Variants in PTPRN2 observed in about 807,000 individuals in gnomAD.
The protein encoded by PTPRN2 is protein tyrosine phosphatase receptor type N2, also known as receptor-type tyrosine-protein phosphatase N2.
In PTPRN2, 74 loss-of-function variants were observed where a neutral mutation model predicts 118.8. The ratio of observed to expected loss-of-function variants is 0.62; its 90% CI spans 0.52 to 0.76. The LOEUF (loss-of-function observed/expected upper bound fraction) is 0.76. Ranked by LOEUF, PTPRN2 falls within the 30% of genes least tolerant of loss-of-function variation. The probability of loss-of-function intolerance (pLI) is 0.00; values close to 1 mark genes in which losing one functional copy is unlikely to be tolerated. For missense variants in PTPRN2, 1,481 were observed against 1,394.4 expected (o/e 1.06, Z -0.99); for synonymous variants, 641 against 608.0 (o/e 1.05, Z -0.80).
intron 5 of PTPRN2, among the ~76,000 whole-genome samples, chr7:158,170,184 A>G (rs541343766): frequency 6.6e-6 from 1 of 152,146 alleles, no homozygotes; most frequent in Non-Finnish European, 1.5e-5. Context: ...CACCACAACA[A>G]ACAGCCCCTC....
intron 12 of PTPRN2, among the ~76,000 whole-genome samples, chr7:157,859,890 A>ACC (rs1810086619): frequency 9.3e-6 from 1 of 107,692 alleles, no homozygotes. Context: ...CAGCCACTGT[A>ACC]CACACTCCTG....
intron 2 of PTPRN2, among the ~76,000 whole-genome samples, chr7:158,337,691 C>CTGCAGACGTCACTCACACA (rs1805945534): frequency 8.1e-6 from 1 of 123,798 alleles, no homozygotes; most frequent in African/African-American, 2.7e-5. Context: ...TCACTCACAC[C>CTGCAGACGTCACTCACACA]CACACTCTCA....
rs1177886381 is a variant in PTPRN2 at position 158,134,021 on chromosome 7, C to T, written c.1212G>A (p.Gln404=). Reference sequence around the variant, plus strand: ...CAGGTAAGAGTCGAGACCCGTGGTCCTGCAGGAGGCCCCCGAGTGTGGCAC... The same window carrying T: ...CAGGTAAGAGTCGAGACCCGTGGTCTTGCAGGAGGCCCCCGAGTGTGGCAC... The part of the protein sequence containing the change: ...RLSATLGGLL[Q]DHGSRLLPGA... The change falls in exon 9 of 23, where the codon CAG becomes CAA. Residue 404 remains glutamine, a synonymous_variant. Coordinates refer to ENST00000389418, the MANE Select transcript of PTPRN2 (RefSeq NM_002847.5). 6.2e-7 allele frequency: 1 copy of T among 1,613,892 alleles called. No homozygotes were observed. The highest frequency in any genetic ancestry group is 1.1e-5 in the South Asian group (1 of 91,072).
chr7:158,401,536 TG>T (rs1812949237), intron 2 of PTPRN2, among the ~76,000 whole-genome samples: 2 of 151,914 alleles, frequency 1.3e-5, no homozygotes, highest in African/African-American at 4.8e-5. Flanking sequence ...AGTGCAGGAG[TG>T]GGGCTGCCAT....
At chr7:157,854,372 G>A (rs561602719) in intron 12 of PTPRN2, among the ~76,000 whole-genome samples, 9 of 152,324 alleles carry the variant, frequency 5.9e-5, no homozygotes, top group South Asian at 2.1e-4. Context: ...CTGTGCAATC[G>A]GCACACCCAC....
Position 157,622,262 on chromosome 7 carries a change from T to C in PTPRN2, c.2197-753A>G, listed in dbSNP as rs1803299997. 6.6e-6 allele frequency among the ~76,000 whole-genome samples: 1 copy of C among 152,036 alleles called. No individual in the cohort carries two copies. On this transcript the variant is annotated intron_variant, in intron 14 of 22. Transcript: ENST00000389418. This position sits in a 1 kb window ranked among gnomAD's most constrained non-coding sequence, Gnocchi z 5.3. The stretch of plus-strand genomic sequence containing the variant: ...GTGACGGCCTCGTCTGCTGTCACTC[T>C]GCTTGTGGATTTGCAAGGTACTGTG...
At chr7:158,151,514 T>TGCCTGCC (rs1563522262) in intron 6 of PTPRN2, among the ~76,000 whole-genome samples, 10 of 146,076 alleles carry the variant, frequency 6.8e-5, no homozygotes, top group Non-Finnish European at 1.1e-4. Flanking sequence ...TTTCTGCTCC[T>TGCCTGCC]CACCGCACGT....
At chr7:157,837,576 G>A (rs1299948387) in intron 12 of PTPRN2, among the ~76,000 whole-genome samples, 1 of 151,846 alleles carries the variant, frequency 6.6e-6, no homozygotes, top group Non-Finnish European at 1.5e-5. Context: ...GGAACACCCT[G>A]GGCTTGACAG....
chr7:158,392,136 G>A (rs549926926), intron 2 of PTPRN2, among the ~76,000 whole-genome samples: 6 of 152,246 alleles, frequency 3.9e-5, no homozygotes, highest in South Asian at 2.1e-4. Context: ...TGGGGCTTCC[G>A]TGGGGAGGGA....
intron 10 of PTPRN2, among the ~76,000 whole-genome samples, chr7:158,090,977 AC>A (rs1814071898): frequency 6.6e-6 from 1 of 152,224 alleles, no homozygotes; most frequent in African/African-American, 2.4e-5. Context: ...TCTTAGACCA[AC>A]CGTCCGGTTG....
chr7:157,642,935 T>A (rs1285068254), intron 14 of PTPRN2, among the ~76,000 whole-genome samples: 1 of 150,488 alleles, frequency 6.6e-6, no homozygotes, highest in Non-Finnish European at 1.5e-5. Context: ...TCACAGCAGC[T>A]TACCTCTTTC....
chr7:158,474,089 C>T (rs1820066484), intron 2 of PTPRN2, among the ~76,000 whole-genome samples: 1 of 152,202 alleles, frequency 6.6e-6, no homozygotes, highest in Admixed American at 6.5e-5. Context: ...GAGGTCAGCC[C>T]TGGCGCTGGG....
chr7:158,244,329 G>A (rs976265796), intron 3 of PTPRN2, among the ~76,000 whole-genome samples: 1 of 152,258 alleles, frequency 6.6e-6, no homozygotes. Context: ...GAAAGGTCAA[G>A]GCAGTGTCCT....
chr7:157,722,670 T>G (rs1038255750), intron 12 of PTPRN2, among the ~76,000 whole-genome samples: 6 of 151,894 alleles, frequency 4.0e-5, no homozygotes, highest in Non-Finnish European at 8.8e-5. Context: ...AGCATCCAGG[T>G]GCAGCCGGGG....
intron 3 of PTPRN2, among the ~76,000 whole-genome samples, chr7:158,279,952 G>C (rs980213931): frequency 5.9e-5 from 9 of 152,170 alleles, no homozygotes; most frequent in Admixed American, 4.6e-4. Context: ...CGTGAAGACA[G>C]TCGAGGTCTG....
intron 12 of PTPRN2, among the ~76,000 whole-genome samples, chr7:157,895,849 T>C (rs1016673568): frequency 4.6e-5 from 7 of 152,068 alleles, no homozygotes; most frequent in Non-Finnish European, 1.0e-4. Context: ...CCCAGAAACC[T>C]GCACACGACC....
chr7:157,540,729 C>T lies in PTPRN2; in HGVS notation c.3033G>A (p.Lys1011=). The T allele has an allele frequency of 6.4e-7, 1 of 1,566,230 alleles. No homozygotes were observed. The highest frequency in any genetic ancestry group is 8.7e-7 in the Non-Finnish European group (1 of 1,155,100). The stretch of plus-strand genomic sequence containing the variant: ...AGGCTGCCGCTCACTGGGGAAGGGC[C>T]TTGAGGATGGCGTTCACCTCCTCAG... ...AVAEEVNAIL[K]ALPQ Residue 1011 remains lysine (K), a synonymous_variant, in exon 23 of 23, where the codon AAG becomes AAA. Coordinates refer to ENST00000389418, the MANE Select transcript of PTPRN2 (RefSeq NM_002847.5).
chr7:157,653,731 G>A (rs1196211524), intron 14 of PTPRN2, among the ~76,000 whole-genome samples: 1 of 152,198 alleles, frequency 6.6e-6, no homozygotes, highest in East Asian at 1.9e-4. Flanking sequence ...ACTGCTGAGT[G>A]AGAGGAGACG....
At chr7:158,423,395 G>A (rs1287587920) in intron 2 of PTPRN2, among the ~76,000 whole-genome samples, 3 of 152,196 alleles carry the variant, frequency 2.0e-5, no homozygotes, top group African/African-American at 7.2e-5. Flanking sequence ...GTGGGGACAC[G>A]GTGAACCCTA....
Sources: allele counts gnomAD v4.1 joint callset (sites outside exome capture counted in the v4.1 genomes callset), GRCh38; gene constraint gnomAD v4.1.1; non-coding constraint Gnocchi (gnomAD v3.1); transcripts MANE v1.5; gene names NCBI Gene and HGNC (gene_info 2026-07-23, HGNC 2026-07-21).